AMPH: variants seen among roughly 807,000 people sequenced by gnomAD.
AMPH encodes amphiphysin.
AMPH carries 49 observed loss-of-function variants against 99.1 expected under a neutral mutation model. The ratio of observed to expected loss-of-function variants is 0.49; its 90% CI spans 0.39 to 0.63. The LOEUF is 0.63. AMPH is among the 20% of genes least tolerant of loss of function. AMPH has a pLI of 0.00. For missense variants in AMPH, 759 were observed against 863.4 expected (o/e 0.88, Z 1.52); for synonymous variants, 314 against 317.3 (o/e 0.99, Z 0.11).
chr7:38,467,222 G>A (rs993294499), intron 7 of AMPH, among the ~76,000 whole-genome samples: 4 of 152,148 alleles, frequency 2.6e-5, no homozygotes, highest in Non-Finnish European at 5.9e-5. Context: ...GCCAGACCAC[G>A]AAGCACAATA....
intron 1 of AMPH, among the ~76,000 whole-genome samples, chr7:38,612,861 C>T (rs1455239182): frequency 6.6e-6 from 1 of 152,150 alleles, no homozygotes; most frequent in Admixed American, 6.5e-5. Context: ...GGGTTATACA[C>T]TTAGATCCTC....
At chr7:38,405,843 G>A (rs1292736091) in intron 17 of AMPH, among the ~76,000 whole-genome samples, 1 of 152,108 alleles carries the variant, frequency 6.6e-6, no homozygotes, top group Non-Finnish European at 1.5e-5. Context: ...AGAAACTCTG[G>A]ACATAAATGT....
chr7:38,435,479 T>A (rs1786225091), intron 12 of AMPH, among the ~76,000 whole-genome samples: 1 of 152,230 alleles, frequency 6.6e-6, no homozygotes, highest in South Asian at 2.1e-4. Flanking sequence ...CCTAAATTCA[T>A]ATGTGGGGCT....
chr7:38,596,236 T>A (rs1416484190), intron 1 of AMPH, among the ~76,000 whole-genome samples: 1 of 152,214 alleles, frequency 6.6e-6, no homozygotes, highest in Non-Finnish European at 1.5e-5. Context: ...GAGTTATTAC[T>A]TGCCCTGTGG....
At chr7:38,411,156 G>A (rs985259479) in intron 17 of AMPH, among the ~76,000 whole-genome samples, 15 of 152,090 alleles carry the variant, frequency 9.9e-5, no homozygotes, top group African/African-American at 2.7e-4. Context: ...CTTTGTGTCC[G>A]TTTTCTTAAT....
chr7:38,610,680 C>T (rs1157814733), intron 1 of AMPH, among the ~76,000 whole-genome samples: 1 of 152,076 alleles, frequency 6.6e-6, no homozygotes. Context: ...TTTAGGGAGA[C>T]TCCATTGCCA....
chr7:38,587,235 T>C (rs1332307195), intron 1 of AMPH, among the ~76,000 whole-genome samples: 1 of 152,252 alleles, frequency 6.6e-6, no homozygotes, highest in Non-Finnish European at 1.5e-5. Flanking sequence ...TTTACTGTAC[T>C]TCAAAGCACC....
chr7:38,546,293 AAATG>A (rs1218525420), intron 1 of AMPH, among the ~76,000 whole-genome samples: 1 of 152,188 alleles, frequency 6.6e-6, no homozygotes, highest in African/African-American at 2.4e-5. Flanking sequence ...ATAAACAGAC[AAATG>A]AATGAATTTG....
intron 1 of AMPH, among the ~76,000 whole-genome samples, chr7:38,538,596 C>T (rs762591039): frequency 2.6e-5 from 4 of 152,098 alleles, no homozygotes; most frequent in Non-Finnish European, 5.9e-5. Context: ...TCCTTGGTGA[C>T]AATGTTAGGG....
At chr7:38,601,069 G>T (rs1793229411) in intron 1 of AMPH, among the ~76,000 whole-genome samples, 1 of 152,146 alleles carries the variant, frequency 6.6e-6, no homozygotes, top group African/African-American at 2.4e-5. Flanking sequence ...TTATCCAGTG[G>T]ATCTCCTCTC....
intron 1 of AMPH, among the ~76,000 whole-genome samples, chr7:38,625,591 A>G (rs1429086117): frequency 6.6e-6 from 1 of 152,218 alleles, no homozygotes; most frequent in Non-Finnish European, 1.5e-5. Flanking sequence ...CATATCCTGA[A>G]TACATAGAAA....
At chr7:38,458,367 C>A (rs2129006740) in intron 11 of AMPH, among the ~76,000 whole-genome samples, 1 of 152,180 alleles carries the variant, frequency 6.6e-6, no homozygotes. Flanking sequence ...ACAAGGCCAG[C>A]ACTATCTTAA....
At chr7:38,431,533 G>A (rs1786026570) in intron 13 of AMPH, among the ~76,000 whole-genome samples, 1 of 152,018 alleles carries the variant, frequency 6.6e-6, no homozygotes, top group Non-Finnish European at 1.5e-5. Flanking sequence ...GCGGGTGCCT[G>A]TAGTCCCAGC....
At chr7:38,618,439 G>C (rs1793947900) in intron 1 of AMPH, among the ~76,000 whole-genome samples, 1 of 152,058 alleles carries the variant, frequency 6.6e-6, no homozygotes, top group African/African-American at 2.4e-5. Context: ...ATGAAACCGG[G>C]AGGCAGAGCT....
chr7:38,396,105 A>G (rs897174188), intron 17 of AMPH, among the ~76,000 whole-genome samples: 1 of 152,208 alleles, frequency 6.6e-6, no homozygotes, highest in Non-Finnish European at 1.5e-5. Context: ...CAAATGTGCA[A>G]TCCCTAGCCA....
At chr7:38,489,458 G>T (rs1161572084) in intron 5 of AMPH, among the ~76,000 whole-genome samples, 1 of 152,020 alleles carries the variant, frequency 6.6e-6, no homozygotes, top group African/African-American at 2.4e-5. Context: ...ATAAACATTG[G>T]TGTTAGCAAT....
chr7:38,415,686 T>C (rs1785358790), intron 17 of AMPH, among the ~76,000 whole-genome samples: 2 of 152,182 alleles, frequency 1.3e-5, no homozygotes, highest in South Asian at 4.1e-4. Context: ...CAGCCACTAC[T>C]GATGACCATT....
intron 1 of AMPH, among the ~76,000 whole-genome samples, chr7:38,550,657 T>C (rs78078143): frequency 0.02 from 3,027 of 152,336 alleles, 117 homozygotes; most frequent in East Asian, 0.14. Flanking sequence ...TAGTGTGTAT[T>C]GTACCCATTA....
At chr7:38,540,731 C>T (rs1242729353) in intron 1 of AMPH, among the ~76,000 whole-genome samples, 1 of 96,122 alleles carries the variant, frequency 1.0e-5, no homozygotes, top group Admixed American at 1.3e-4. Flanking sequence ...GCTAGTCCTA[C>T]AATCAGAAAT....
Sources: allele counts gnomAD v4.1 joint callset (sites outside exome capture counted in the v4.1 genomes callset), GRCh38; gene constraint gnomAD v4.1.1; transcripts MANE v1.5; gene names NCBI Gene and HGNC (gene_info 2026-07-23, HGNC 2026-07-21).